Variants in GNAQ observed in about 807,000 individuals in gnomAD.
GNAQ encodes the protein guanine nucleotide-binding protein G(q) subunit alpha.
GNAQ carries 8 observed loss-of-function variants against 43.9 expected under a neutral mutation model. The observed-to-expected ratio is 0.18, with a 90% CI of 0.11 to 0.33. The LOEUF (loss-of-function observed/expected upper bound fraction) is 0.33, where lower values mean the gene tolerates loss of function less well. GNAQ is among the 10% of genes least tolerant of loss of function. The pLI, the probability that GNAQ is intolerant of heterozygous loss-of-function variation, is 1.00. For missense variants in GNAQ, 158 were observed against 450.8 expected, an observed-to-expected ratio of 0.35 and a Z score of 5.88; for synonymous variants, 155 against 170.7, an observed-to-expected ratio of 0.91 and a Z score of 0.71.
chr9:77,781,935 T>C (rs1826400217), intron 5 of GNAQ, among the ~76,000 whole-genome samples: 2 of 152,122 alleles, frequency 1.3e-5, no homozygotes, highest in South Asian at 2.1e-4. Context: ...AACTAGAAGC[T>C]TTCTCTCTAA....
Position 77,930,027 on chromosome 9 carries a change from G to A in GNAQ, c.137-7682C>T, listed in dbSNP as rs187877669. Reference sequence around the variant, plus strand: ...ACATTTTGAGCAATTCTAATTTTTTGCTTTTGTAAATAATGCTCTGATAAA... The same window carrying A: ...ACATTTTGAGCAATTCTAATTTTTTACTTTTGTAAATAATGCTCTGATAAA... On this transcript the variant is annotated intron_variant, in intron 1 of 6. Transcript: ENST00000286548. Among the ~76,000 whole-genome samples, 12 of 152,072 alleles carry A rather than the reference G, an allele frequency of 7.9e-5. No individual in the cohort carries two copies. In the East Asian group the frequency reaches 2.3e-3, roughly 29 times the overall value.
intron 1 of GNAQ, among the ~76,000 whole-genome samples, chr9:77,931,364 G>A (rs994978179): frequency 1.3e-5 from 2 of 151,874 alleles, no homozygotes; most frequent in African/African-American, 2.4e-5. Flanking sequence ...AGGCCGAGGC[G>A]GGCAGATCAC....
chr9:77,981,459 G>A (rs899611987), intron 1 of GNAQ, among the ~76,000 whole-genome samples: 6 of 152,188 alleles, frequency 3.9e-5, no homozygotes, highest in African/African-American at 1.4e-4. Flanking sequence ...GCAAAGTCCA[G>A]TCATGCAGAA....
intron 2 of GNAQ, among the ~76,000 whole-genome samples, chr9:77,912,952 A>C (rs1295813619): frequency 6.6e-6 from 1 of 152,174 alleles, no homozygotes; most frequent in Non-Finnish European, 1.5e-5. Context: ...CCTGGGCAAC[A>C]TAGCTGAGAC....
At chr9:77,734,387 T>A (rs1196655550) in intron 5 of GNAQ, among the ~76,000 whole-genome samples, 1 of 152,186 alleles carries the variant, frequency 6.6e-6, no homozygotes, top group Non-Finnish European at 1.5e-5. Context: ...CATCAATACA[T>A]TGATAAACCA....
At chr9:77,925,833 A>G (rs1334580849) in intron 1 of GNAQ, among the ~76,000 whole-genome samples, 1 of 152,172 alleles carries the variant, frequency 6.6e-6, no homozygotes, top group Non-Finnish European at 1.5e-5. Flanking sequence ...CCCTCTTTGG[A>G]CACCAAAACC....
At chr9:77,766,655 G>A (rs550949851) in intron 5 of GNAQ, among the ~76,000 whole-genome samples, 25 of 152,248 alleles carry the variant, frequency 1.6e-4, no homozygotes, top group African/African-American at 6.0e-4. Flanking sequence ...TAGGGTGGGA[G>A]GCTGGGGATG....
At chr9:77,863,216 A>AAGGGAGGGAGGG (rs748887788) in intron 2 of GNAQ, among the ~76,000 whole-genome samples, 2 of 148,976 alleles carry the variant, frequency 1.3e-5, no homozygotes, top group African/African-American at 5.1e-5. Flanking sequence ...GGAAGGAAGG[A>AAGGGAGGGAGGG]AGGGAGGAAG....
chr9:77,888,399 T>C (rs937807352), intron 2 of GNAQ, among the ~76,000 whole-genome samples: 1 of 152,146 alleles, frequency 6.6e-6, no homozygotes, highest in African/African-American at 2.4e-5. Context: ...TCAAAATTAG[T>C]GTTCCCAGAG....
chr9:77,761,323 G>C (rs1172796432), intron 5 of GNAQ, among the ~76,000 whole-genome samples: 13 of 114,298 alleles, frequency 1.1e-4, no homozygotes, highest in African/African-American at 4.0e-4. Flanking sequence ...GGAGGGAGGT[G>C]GGGGGTCAGC....
chr9:77,913,205 A>T (rs1378154229), intron 2 of GNAQ, among the ~76,000 whole-genome samples: 2 of 152,030 alleles, frequency 1.3e-5, no homozygotes, highest in African/African-American at 4.8e-5. Context: ...AGAAATGCAG[A>T]CTTATGTTCA....
intron 5 of GNAQ, among the ~76,000 whole-genome samples, chr9:77,754,947 C>T (rs1347341728): frequency 6.6e-6 from 1 of 152,170 alleles, no homozygotes; most frequent in Non-Finnish European, 1.5e-5. Context: ...TACTGCAGCA[C>T]TATTCACAAC....
intron 5 of GNAQ, among the ~76,000 whole-genome samples, chr9:77,753,286 C>A (rs894455123): frequency 6.6e-6 from 1 of 151,426 alleles, no homozygotes; most frequent in East Asian, 1.9e-4. Context: ...CGCGTGCGCA[C>A]GCGCACACAC....
chr9:77,841,563 C>T (rs576707334), intron 2 of GNAQ, among the ~76,000 whole-genome samples: 9 of 152,176 alleles, frequency 5.9e-5, no homozygotes, highest in Non-Finnish European at 1.2e-4. Context: ...CCCCCTTTGC[C>T]TCCAACTTAG....
At chr9:77,740,100 C>G (rs1564096078) in intron 5 of GNAQ, among the ~76,000 whole-genome samples, 1 of 152,162 alleles carries the variant, frequency 6.6e-6, no homozygotes, top group African/African-American at 2.4e-5. Flanking sequence ...ATATTTCCTT[C>G]ATTGTCTCAA....
intron 1 of GNAQ, among the ~76,000 whole-genome samples, chr9:77,960,080 G>A (rs1201353183): frequency 6.6e-6 from 1 of 151,992 alleles, no homozygotes; most frequent in East Asian, 1.9e-4. Context: ...CAAGAGAATG[G>A]GTATAGCTTT....
At chr9:77,929,161 G>T (rs1354895456) in intron 1 of GNAQ, among the ~76,000 whole-genome samples, 1 of 152,162 alleles carries the variant, frequency 6.6e-6, no homozygotes, top group Non-Finnish European at 1.5e-5. Context: ...AAGTTACTTT[G>T]AGCCAATCTG....
At chr9:77,996,677 C>CAAAAAAAAAAA (rs3083223) in intron 1 of GNAQ, among the ~76,000 whole-genome samples, 1 of 105,586 alleles carries the variant, frequency 9.5e-6, no homozygotes. Flanking sequence ...GACTCCATCT[C>CAAAAAAAAAAA]AAAAAAAAAA....
chr9:77,793,670 G>A (rs1374599056), intron 5 of GNAQ, among the ~76,000 whole-genome samples: 4 of 151,962 alleles, frequency 2.6e-5, no homozygotes, highest in African/African-American at 9.7e-5. Context: ...GCCTCTAACA[G>A]GATATCAATG....
Sources: gnomAD v4.1 joint callset for allele counts (sites outside exome capture counted in the v4.1 genomes callset) on GRCh38, gnomAD v4.1.1 for gene constraint, MANE v1.5 for transcripts, NCBI Gene and HGNC (gene_info 2026-07-23, HGNC 2026-07-21) for gene names.